The following TSPAN9 variants were observed in gnomAD, a reference collection of about 807,000 sequenced individuals.
TSPAN9 encodes tetraspanin 9.
In TSPAN9, 16 loss-of-function variants were observed where a neutral mutation model predicts 31.0. The observed-to-expected ratio is 0.52, with a 90% CI of 0.35 to 0.78. The LOEUF is 0.78. Among genes scored for constraint, TSPAN9 ranks in the 30% least tolerant of loss-of-function variants. TSPAN9 has a pLI of 0.01. For synonymous variants in TSPAN9, 145 were observed against 121.6 expected (o/e 1.19, Z -1.27); for missense variants, 272 against 312.5 (o/e 0.87, Z 0.98).
At chr12:3,203,120 C>A (rs2098372916) in intron 3 of TSPAN9, among the ~76,000 whole-genome samples, 1 of 152,156 alleles carries the variant, frequency 6.6e-6, no homozygotes, top group Non-Finnish European at 1.5e-5. Flanking sequence ...GGGCTTGTAA[C>A]CCCACTCAGC....
chr12:3,252,637 T>C (rs1862267945), intron 3 of TSPAN9, among the ~76,000 whole-genome samples: 1 of 152,202 alleles, frequency 6.6e-6, no homozygotes, highest in African/African-American at 2.4e-5. Flanking sequence ...CAGCTGTTGG[T>C]TTGGGAAGCC....
At chr12:3,152,557 C>T (rs1350722104) in intron 2 of TSPAN9, among the ~76,000 whole-genome samples, 1 of 152,162 alleles carries the variant, frequency 6.6e-6, no homozygotes, top group Admixed American at 6.5e-5. Context: ...TGTTTCTAGC[C>T]TAGAGGCTGT....
chr12:3,174,457 GAA>G (rs1327841630), intron 2 of TSPAN9, among the ~76,000 whole-genome samples: 2 of 152,254 alleles, frequency 1.3e-5, no homozygotes, highest in Admixed American at 6.5e-5. Flanking sequence ...GTTAGAAAAT[GAA>G]GAGAGGTTTG....
intron 2 of TSPAN9, among the ~76,000 whole-genome samples, chr12:3,142,680 G>GC (rs1242189568): frequency 2.6e-5 from 4 of 151,822 alleles, no homozygotes; most frequent in African/African-American, 9.7e-5. Context: ...CCGCATCCCT[G>GC]CCCCCGGGTG....
Position 3,281,779 on chromosome 12 carries a change from G to A in TSPAN9, c.610G>A (p.Val204Met), listed in dbSNP as rs139909672. 24 of 1,614,068 alleles carry A rather than the reference G, an allele frequency of 1.5e-5. No individual in the cohort carries two copies. Among genetic ancestry groups the A allele is most frequent in the African/African-American group, 1.1e-4 (8 of 74,930 alleles). The change falls in exon 8 of 9, where the codon GTG becomes ATG. Residue 204 changes from valine (V) to methionine (M), a missense_variant. Transcript: ENST00000011898. ...VKMWFDDNKH[V>M]LGTVGMCILI... The stretch of plus-strand genomic sequence containing the variant: ...GATGTGGTTCGATGACAATAAGCAC[G>A]TGCTGGGCACGGTGGGGATGTGCAT...
At chr12:3,193,135 C>T (rs566516836) in intron 2 of TSPAN9, among the ~76,000 whole-genome samples, 1 of 152,214 alleles carries the variant, frequency 6.6e-6, no homozygotes, top group Admixed American at 6.5e-5. Context: ...GATTTGGACA[C>T]AGATTCATCT....
intron 3 of TSPAN9, among the ~76,000 whole-genome samples, chr12:3,221,612 G>A (rs1378851806): frequency 1.3e-5 from 2 of 152,072 alleles, no homozygotes; most frequent in Non-Finnish European, 2.9e-5. Flanking sequence ...ACCTGCCTTG[G>A]CCTCCCAAAG....
At chr12:3,189,956 A>T (rs930115673) in intron 2 of TSPAN9, among the ~76,000 whole-genome samples, 1 of 152,196 alleles carries the variant, frequency 6.6e-6, no homozygotes, top group Non-Finnish European at 1.5e-5. Flanking sequence ...ACCCATCCAG[A>T]CACCTCTCAC....
chr12:3,175,767 G>C (rs2098355193), intron 2 of TSPAN9, among the ~76,000 whole-genome samples: 1 of 152,098 alleles, frequency 6.6e-6, no homozygotes, highest in Non-Finnish European at 1.5e-5. Flanking sequence ...TCCGTGGCTG[G>C]GTGTGGGACC....
chr12:3,242,319 G>T (rs1210920716), intron 3 of TSPAN9, among the ~76,000 whole-genome samples: 1 of 152,252 alleles, frequency 6.6e-6, no homozygotes, highest in Admixed American at 6.5e-5. Context: ...CTCTAGGCTG[G>T]TGTGGGTGTG....
At chr12:3,247,479 C>G (rs1050813334) in intron 3 of TSPAN9, among the ~76,000 whole-genome samples, 37 of 152,224 alleles carry the variant, frequency 2.4e-4, no homozygotes, top group African/African-American at 7.7e-4. Context: ...AGCGTCAGTT[C>G]AGAAAGACTT....
intron 3 of TSPAN9, among the ~76,000 whole-genome samples, chr12:3,231,508 G>C (rs1756615213): frequency 6.6e-6 from 1 of 152,190 alleles, no homozygotes; most frequent in African/African-American, 2.4e-5. Context: ...GACTGAGAGG[G>C]AGCTAGTCAG....
intron 2 of TSPAN9, among the ~76,000 whole-genome samples, chr12:3,105,693 C>G (rs925723406): frequency 1.3e-5 from 2 of 151,864 alleles, no homozygotes; most frequent in African/African-American, 2.4e-5. Context: ...AAGGAGTGTA[C>G]ATGCCCCTGG....
At chr12:3,269,872 A>G (rs1862640686) in intron 3 of TSPAN9, among the ~76,000 whole-genome samples, 2 of 152,194 alleles carry the variant, frequency 1.3e-5, no homozygotes, top group Admixed American at 1.3e-4. Context: ...CAGGCCCAGG[A>G]TGGGCTTGAT....
rs1415330068 is a variant in TSPAN9 at position 3,212,314 on chromosome 12, T to C, written c.63+11058T>C. Among the ~76,000 whole-genome samples the C allele has an allele frequency of 7.9e-5, 12 of 152,260 alleles. No homozygotes were observed. In the East Asian group the frequency reaches 1.9e-3, roughly 24 times the overall value. Reference sequence around the variant, plus strand: ...ATGAATATGAATAGTATTCTACTTATCTATTTCTATTCATGAACATGGTAT... The same window carrying C: ...ATGAATATGAATAGTATTCTACTTACCTATTTCTATTCATGAACATGGTAT... On this transcript the variant is annotated intron_variant, in intron 3 of 8. Transcript: ENST00000011898.
Position 3,280,296 on chromosome 12 carries a change from C to G in TSPAN9, c.331-86C>G. ...GCCTTCCTCACTCCTCATCTGTCAC[C>G]CACCATCCTGGGTGACCTGAGGTGG... is the stretch of plus-strand genomic sequence containing the variant. On this transcript the variant is annotated intron_variant, in intron 5 of 8. Coordinates refer to ENST00000011898, the MANE Select transcript of TSPAN9 (RefSeq NM_006675.5). This position sits in a 1 kb window ranked among gnomAD's most constrained non-coding sequence, Gnocchi z 4.5. 1 of 1,244,188 alleles carries G rather than the reference C, an allele frequency of 8.0e-7. No homozygotes were observed. The highest frequency in any genetic ancestry group is 1.2e-6 in the Non-Finnish European group (1 of 861,924). The allele number at this position is 1,244,188 out of a possible 1,614,324, so 77.1% of individuals were successfully genotyped here. A position where few individuals can be genotyped will look rare whatever the true frequency, so the allele number is the denominator to read the frequency against.
rs2098312478 is a variant in TSPAN9 at position 3,102,828 on chromosome 12, CAG to C, written c.-18+19112_-18+19113del. ...GCATATTTCAAAATTGGATCTGGAACAGAGGTCACTTAACCCATATTTGTGGA... is the reference window on the plus strand; with the variant it reads ...GCATATTTCAAAATTGGATCTGGAACAGGTCACTTAACCCATATTTGTGGA... On this transcript the variant is annotated intron_variant, in intron 2 of 8. Transcript: ENST00000011898. Among the ~76,000 whole-genome samples the C allele has an allele frequency of 2.0e-5, 3 of 152,148 alleles. No homozygotes were observed. In the South Asian group the frequency reaches 6.2e-4, roughly 32 times the overall value.
intron 2 of TSPAN9, among the ~76,000 whole-genome samples, chr12:3,131,281 C>T (rs965811873): frequency 2.0e-5 from 3 of 152,050 alleles, no homozygotes; most frequent in Non-Finnish European, 4.4e-5. Context: ...AGTAAATAGC[C>T]AGAGGTCACA....
At chr12:3,138,432 C>G (rs1394443544) in intron 2 of TSPAN9, among the ~76,000 whole-genome samples, 1 of 152,052 alleles carries the variant, frequency 6.6e-6, no homozygotes, top group East Asian at 1.9e-4. Flanking sequence ...TCTGCCCAGT[C>G]CTGTCTCCTC....
Sources: gnomAD v4.1 joint callset for allele counts (sites outside exome capture counted in the v4.1 genomes callset) on GRCh38, gnomAD v4.1.1 for gene constraint, Gnocchi (gnomAD v3.1) non-coding constraint, MANE v1.5 for transcripts, NCBI Gene and HGNC (gene_info 2026-07-23, HGNC 2026-07-21) for gene names.